LUZP2: variants seen among roughly 807,000 people sequenced by gnomAD.
LUZP2 encodes the protein leucine zipper protein 2.
Under a neutral mutation model 51.6 loss-of-function variants are expected in LUZP2, and 52 were observed. The ratio of observed to expected loss-of-function variants is 1.01; its 90% CI spans 0.81 to 1.27. The LOEUF is 1.27. LUZP2 is among the 50% of genes most tolerant of loss of function. The pLI, the probability that LUZP2 is intolerant of heterozygous loss-of-function variation, is 0.00. For synonymous variants in LUZP2, 154 were observed against 137.3 expected, an observed-to-expected ratio of 1.12 and a Z score of -0.85; for missense variants, 436 against 395.4, an observed-to-expected ratio of 1.10 and a Z score of -0.87.
intron 9 of LUZP2, among the ~76,000 whole-genome samples, chr11:25,043,881 TG>T (rs1410391922): frequency 1.4e-5 from 2 of 144,654 alleles, no homozygotes; most frequent in African/African-American, 5.0e-5. Context: ...TTTTATAAAA[TG>T]GGTCTCAGAC....
chr11:24,676,567 C>T (rs750708119), intron 1 of LUZP2, among the ~76,000 whole-genome samples: 4 of 152,126 alleles, frequency 2.6e-5, no homozygotes, highest in Non-Finnish European at 5.9e-5. Context: ...ATAATTTTTA[C>T]TTAATGCAGA....
At chr11:24,675,387 T>G (rs765615029) in intron 1 of LUZP2, among the ~76,000 whole-genome samples, 3 of 152,178 alleles carry the variant, frequency 2.0e-5, no homozygotes, top group Non-Finnish European at 4.4e-5. Context: ...ATAGATGATG[T>G]TGGGTTATTG....
intron 1 of LUZP2, among the ~76,000 whole-genome samples, chr11:24,694,253 G>T (rs1344324781): frequency 2.0e-5 from 3 of 151,924 alleles, no homozygotes; most frequent in Admixed American, 1.3e-4. Flanking sequence ...ATTATGTGTT[G>T]TTCCAGTTCA....
chr11:24,907,217 C>A (rs1260987396), intron 6 of LUZP2, among the ~76,000 whole-genome samples: 1 of 151,266 alleles, frequency 6.6e-6, no homozygotes, highest in African/African-American at 2.4e-5. Context: ...GGTCAGTGGT[C>A]CTGTGTCCAG....
rs1590162788 is a variant in LUZP2, at chr11:24,544,618, A to AT, written c.62+47319dup. On this transcript the variant is annotated intron_variant, in intron 1 of 11. Transcript: ENST00000336930. ...ATGTCCATGCAAAGGACATGATCTC[A>AT]TTTTTTATGGCTGTGTAGTATTCAA... 2.0e-5 allele frequency among the ~76,000 whole-genome samples: 3 copies of AT among 152,034 alleles called. No homozygotes were observed. In the East Asian group the frequency reaches 5.8e-4, roughly 29 times the overall value.
intron 5 of LUZP2, among the ~76,000 whole-genome samples, chr11:24,804,424 C>G (rs1032558373): frequency 1.3e-5 from 2 of 152,134 alleles, no homozygotes; most frequent in African/African-American, 4.8e-5. Flanking sequence ...AAGAGAAAAA[C>G]ACACCAATTC....
At chr11:25,007,772 A>G (rs893968714) in intron 9 of LUZP2, among the ~76,000 whole-genome samples, 2 of 152,184 alleles carry the variant, frequency 1.3e-5, no homozygotes, top group Admixed American at 6.5e-5. Flanking sequence ...ACTATTATAT[A>G]CATATGTATC....
intron 1 of LUZP2, among the ~76,000 whole-genome samples, chr11:24,601,988 G>GTATATATGTATAAA (rs1565019900): frequency 1.5e-5 from 1 of 65,714 alleles, no homozygotes; most frequent in African/African-American, 7.4e-5. Flanking sequence ...GTATATATAT[G>GTATATATGTATAAA]TGTATATATG....
At chr11:24,512,244 G>A (rs1181885264) in intron 1 of LUZP2, among the ~76,000 whole-genome samples, 1 of 152,032 alleles carries the variant, frequency 6.6e-6, no homozygotes, top group African/African-American at 2.4e-5. Flanking sequence ...AATAGCGGTG[G>A]TGGTAGAATA....
At chr11:24,741,897 A>G (rs1344924122) in intron 4 of LUZP2, among the ~76,000 whole-genome samples, 4 of 136,954 alleles carry the variant, frequency 2.9e-5, no homozygotes, top group African/African-American at 1.1e-4. Flanking sequence ...TTATATACAT[A>G]TATATTTCTA....
At chr11:24,585,793 T>C (rs1056830256) in intron 1 of LUZP2, among the ~76,000 whole-genome samples, 1 of 152,108 alleles carries the variant, frequency 6.6e-6, no homozygotes, top group Non-Finnish European at 1.5e-5. Context: ...TATGCCTATT[T>C]TATTTAAAGT....
chr11:24,628,722 CTA>C (rs1439119899), intron 1 of LUZP2, among the ~76,000 whole-genome samples: 1 of 152,048 alleles, frequency 6.6e-6, no homozygotes, highest in Non-Finnish European at 1.5e-5. Context: ...CCATGCCTAG[CTA>C]ATTATTGTAT....
intron 7 of LUZP2, among the ~76,000 whole-genome samples, chr11:24,955,409 G>T (rs1270123050): frequency 6.6e-6 from 1 of 151,776 alleles, no homozygotes; most frequent in Non-Finnish European, 1.5e-5. Context: ...TTATTTTAGA[G>T]GAGTATAAAA....
intron 5 of LUZP2, among the ~76,000 whole-genome samples, chr11:24,819,840 G>A (rs746755604): frequency 6.6e-6 from 1 of 152,056 alleles, no homozygotes. Context: ...TGTTTCTATA[G>A]TAATAATTTT....
chr11:24,508,151 G>A (rs12421169), intron 1 of LUZP2, among the ~76,000 whole-genome samples: 6,434 of 151,988 alleles, frequency 0.042, 163 homozygotes, highest in East Asian at 0.063. Context: ...CATTATAACT[G>A]GTAAGCAGTG....
chr11:25,063,362 C>T lies in LUZP2; in HGVS notation c.858+13232C>T, dbSNP rs1301001326. ...CAGCTGATATTGAGGGATGTCTGTA[C>T]ACTGAATTGTGAAAATATTTAAAGC... On this transcript the variant is annotated intron_variant, in intron 10 of 11. Coordinates refer to ENST00000336930, the MANE Select transcript of LUZP2 (RefSeq NM_001009909.4). 6.6e-5 allele frequency among the ~76,000 whole-genome samples: 10 copies of T among 151,522 alleles called. 1 individual carries two copies. Among genetic ancestry groups the T allele is most frequent in the South Asian group, 2.1e-4 (1 of 4,818 alleles).
intron 6 of LUZP2, among the ~76,000 whole-genome samples, chr11:24,908,509 G>A (rs946565437): frequency 6.6e-6 from 1 of 152,086 alleles, no homozygotes; most frequent in African/African-American, 2.4e-5. Context: ...AAAACTTTAT[G>A]ACTCACAGTC....
At chr11:24,590,147 G>A (rs114809072) in intron 1 of LUZP2, among the ~76,000 whole-genome samples, 229 of 152,176 alleles carry the variant, frequency 1.5e-3, no homozygotes, top group African/African-American at 5.3e-3. Context: ...CATTACAGTA[G>A]AATCATCTCC....
intron 1 of LUZP2, among the ~76,000 whole-genome samples, chr11:24,569,169 G>A (rs1368546634): frequency 6.6e-6 from 1 of 151,974 alleles, no homozygotes; most frequent in Non-Finnish European, 1.5e-5. Context: ...GCCTGTTAAA[G>A]CATGATTAAG....
Sources: gnomAD v4.1 joint callset for allele counts (sites outside exome capture counted in the v4.1 genomes callset) on GRCh38, gnomAD v4.1.1 for gene constraint, MANE v1.5 for transcripts, NCBI Gene and HGNC (gene_info 2026-07-23, HGNC 2026-07-21) for gene names.